ENTREP2: variants seen among roughly 807,000 people sequenced by gnomAD.
ENTREP2 encodes the protein endosomal transmembrane epsin interactor 2.
the ENTREP2 span, among the ~76,000 whole-genome samples, chr15:29,653,606 CA>C: frequency 6.6e-6 from 1 of 152,172 alleles, no homozygotes; most frequent in Admixed American, 6.5e-5. Flanking sequence ...TCCTTCCTGC[CA>C]CTTTGTGAAG....
chr15:29,342,200 G>A, the ENTREP2 span, among the ~76,000 whole-genome samples: 2 of 152,182 alleles, frequency 1.3e-5, no homozygotes, highest in African/African-American at 4.8e-5. Context: ...ATGAGGGGAC[G>A]GACTGCAGGT....
At chr15:29,134,760 G>A in the ENTREP2 span, among the ~76,000 whole-genome samples, 4 of 152,178 alleles carry the variant, frequency 2.6e-5, no homozygotes, top group Admixed American at 6.5e-5. Flanking sequence ...CAGGGTCAGC[G>A]CTGCCTTGGT....
At chr15:29,435,709 A>T in the ENTREP2 span, among the ~76,000 whole-genome samples, 7 of 150,802 alleles carry the variant, frequency 4.6e-5, no homozygotes, top group South Asian at 1.5e-3. Context: ...TATATACAAT[A>T]TGTGTGTGTG....
At chr15:29,604,043 AG>A in the ENTREP2 span, among the ~76,000 whole-genome samples, 1 of 152,232 alleles carries the variant, frequency 6.6e-6, no homozygotes, top group South Asian at 2.1e-4. Flanking sequence ...AAAGAGGGAA[AG>A]GAGACAGTTG....
chr15:29,581,857 T>C, the ENTREP2 span, among the ~76,000 whole-genome samples: 3 of 151,930 alleles, frequency 2.0e-5, no homozygotes, highest in Non-Finnish European at 4.4e-5. Flanking sequence ...GAGTAATCAA[T>C]ATATTGTGGT....
chr15:29,303,030 A>G, the ENTREP2 span, among the ~76,000 whole-genome samples: 2 of 152,112 alleles, frequency 1.3e-5, no homozygotes, highest in African/African-American at 4.8e-5. Flanking sequence ...CAGTCTGAGC[A>G]GACTCAAAGG....
At chr15:29,627,822 TTC>T in the ENTREP2 span, among the ~76,000 whole-genome samples, 1 of 152,222 alleles carries the variant, frequency 6.6e-6, no homozygotes, top group African/African-American at 2.4e-5. Context: ...CAAAATTTCC[TTC>T]TTTTTTAAGA....
the ENTREP2 span, among the ~76,000 whole-genome samples, chr15:29,354,392 C>A: frequency 6.6e-6 from 1 of 152,184 alleles, no homozygotes; most frequent in African/African-American, 2.4e-5. Context: ...GATCAATGTC[C>A]TGTATACCCC....
At chr15:29,276,444 GTA>G in the ENTREP2 span, among the ~76,000 whole-genome samples, 1 of 152,268 alleles carries the variant, frequency 6.6e-6, no homozygotes, top group African/African-American at 2.4e-5. Context: ...AAAGACCTTA[GTA>G]TAGGGCTGCC....
At chr15:29,404,178 C>T in the ENTREP2 span, among the ~76,000 whole-genome samples, 17 of 152,070 alleles carry the variant, frequency 1.1e-4, no homozygotes, top group South Asian at 6.2e-4. Flanking sequence ...CGCCCACTCC[C>T]GCTGATGATA....
chr15:29,646,223 A>G, the ENTREP2 span, among the ~76,000 whole-genome samples: 1 of 152,188 alleles, frequency 6.6e-6, no homozygotes, highest in Non-Finnish European at 1.5e-5. Context: ...GCACCCGTTG[A>G]TCACCTCACC....
the ENTREP2 span, among the ~76,000 whole-genome samples, chr15:29,223,263 G>A: frequency 6.6e-6 from 1 of 152,184 alleles, no homozygotes; most frequent in African/African-American, 2.4e-5. Flanking sequence ...TCGAGTTCCA[G>A]GTTCACTAGG....
At chr15:29,424,167 C>T in the ENTREP2 span, among the ~76,000 whole-genome samples, 1 of 152,188 alleles carries the variant, frequency 6.6e-6, no homozygotes, top group Non-Finnish European at 1.5e-5. Flanking sequence ...AAAGGTAATG[C>T]AAACCCAAAG....
chr15:29,615,703 C>A, the ENTREP2 span, among the ~76,000 whole-genome samples: 1 of 152,032 alleles, frequency 6.6e-6, no homozygotes, highest in Non-Finnish European at 1.5e-5. Context: ...CCTTTTTTCC[C>A]CTGCTCTTGG....
chr15:29,315,059 A>C, the ENTREP2 span, among the ~76,000 whole-genome samples: 1 of 152,242 alleles, frequency 6.6e-6, no homozygotes, highest in Non-Finnish European at 1.5e-5. Flanking sequence ...TCAAAAAAGA[A>C]AGAAAATGGT....
the ENTREP2 span, among the ~76,000 whole-genome samples, chr15:29,134,795 T>C: frequency 3.3e-5 from 5 of 152,278 alleles, no homozygotes; most frequent in South Asian, 8.3e-4. Flanking sequence ...GGGACCAGCA[T>C]TGCCACCTGG....
At chr15:29,319,820 T>C in the ENTREP2 span, among the ~76,000 whole-genome samples, 1 of 152,168 alleles carries the variant, frequency 6.6e-6, no homozygotes, top group African/African-American at 2.4e-5. Flanking sequence ...ACGTTAATTC[T>C]GACAAATTGC....
At chr15:29,402,531 G>A in the ENTREP2 span, among the ~76,000 whole-genome samples, 4 of 152,142 alleles carry the variant, frequency 2.6e-5, no homozygotes, top group South Asian at 4.2e-4. Context: ...GGCTGGTCTC[G>A]AACTCCTGGC....
At chr15:29,553,190 G>T in the ENTREP2 span, among the ~76,000 whole-genome samples, 2 of 152,142 alleles carry the variant, frequency 1.3e-5, no homozygotes, top group African/African-American at 4.8e-5. Flanking sequence ...CAGCTGCTTG[G>T]GAGGCTGAGG....
Sources: allele counts gnomAD v4.1 joint callset (sites outside exome capture counted in the v4.1 genomes callset), GRCh38; gene constraint gnomAD v4.1.1; transcripts MANE v1.5; gene names NCBI Gene and HGNC (gene_info 2026-07-23, HGNC 2026-07-21).